CCDC15: variants seen among roughly 807,000 people sequenced by gnomAD.
CCDC15 encodes the protein coiled-coil domain containing 15, also known as coiled-coil domain-containing protein 15.
In CCDC15, 105 loss-of-function variants were observed where a neutral mutation model predicts 114.5. That is an observed-to-expected ratio of 0.92 (90% CI 0.78 to 1.08). The LOEUF (loss-of-function observed/expected upper bound fraction) is 1.08, where lower values mean the gene tolerates loss of function less well. Among genes scored for constraint, CCDC15 ranks in the 50% least tolerant of loss-of-function variants. The pLI, the probability that CCDC15 is intolerant of heterozygous loss-of-function variation, is 0.00. For synonymous variants in CCDC15, 334 were observed against 377.8 expected (o/e 0.88, Z 1.34); for missense variants, 1,105 against 1,093.6 (o/e 1.01, Z -0.15).
chr11:125,039,309 TA>T, intron 15 of CCDC15: 2 of 393,930 alleles, frequency 5.1e-6, no homozygotes, highest in Middle Eastern at 1.3e-3. Flanking sequence ...CATTCTACTG[TA>T]GGAGGTCTTG....
intron 6 of CCDC15, among the ~76,000 whole-genome samples, chr11:124,981,120 G>A (rs950269615): frequency 2.0e-4 from 30 of 152,100 alleles, no homozygotes; most frequent in African/African-American, 7.0e-4. Flanking sequence ...ATTGTGATCC[G>A]AAAGCATGGT....
At chr11:125,024,122 A>G (rs1437645463) in intron 13 of CCDC15, among the ~76,000 whole-genome samples, 2 of 152,034 alleles carry the variant, frequency 1.3e-5, no homozygotes, top group Admixed American at 1.3e-4. Context: ...TTATATATAC[A>G]TACGTACATT....
chr11:124,979,915 A>G (rs539132792), intron 6 of CCDC15, among the ~76,000 whole-genome samples: 15 of 152,186 alleles, frequency 9.9e-5, no homozygotes, highest in Non-Finnish European at 2.1e-4. Flanking sequence ...TTTGTTATAG[A>G]TGGCTATTTT....
Position 125,040,771 on chromosome 11 carries a change from G to A in CCDC15, c.*60G>A. On this transcript the variant is annotated 3_prime_UTR_variant, in exon 16 of 16. Coordinates refer to ENST00000344762, the MANE Select transcript of CCDC15 (RefSeq NM_025004.3). ...TTTACTTAAAATCATCCCTGAGAGA[G>A]TATTTAAGAAAAGCTGTTCAAGTTA... 1 of 1,441,426 alleles carries A rather than the reference G, an allele frequency of 6.9e-7. No individual in the cohort carries two copies. Among genetic ancestry groups the A allele is most frequent in the Non-Finnish European group, 9.6e-7 (1 of 1,045,746 alleles). 89.3% of individuals were successfully genotyped at this position (1,441,426 alleles called of 1,614,324 possible). A position where few individuals can be genotyped will look rare whatever the true frequency, so the allele number is the denominator to read the frequency against.
rs186160140 is a variant in CCDC15 at position 124,983,211 on chromosome 11, C to A, written c.754-3531C>A. Among the ~76,000 whole-genome samples the A allele has an allele frequency of 2.6e-5, 4 of 152,190 alleles. No individual in the cohort carries two copies. The East Asian group carries it at 5.8e-4, about 22-fold the overall frequency. ...ATCGTTTTATTGTAATACTTAGATT[C>A]CTTGGACTGGGTTTTAACTTTCTCC... On this transcript the variant is annotated intron_variant, in intron 6 of 15. Coordinates refer to ENST00000344762, the MANE Select transcript of CCDC15 (RefSeq NM_025004.3).
At chr11:124,977,418 G>A in intron 5 of CCDC15, 60 bp from the exon 6 acceptor site, 2 of 1,419,216 alleles carry the variant, frequency 1.4e-6, no homozygotes, top group Non-Finnish European at 1.9e-6. Context: ...ACTCAACTTA[G>A]TCTCATGAAT....
chr11:125,032,569 A>C (rs1040697563), intron 13 of CCDC15, among the ~76,000 whole-genome samples: 17 of 152,234 alleles, frequency 1.1e-4, no homozygotes, highest in Non-Finnish European at 1.6e-4. Context: ...TCGAGTCCTT[A>C]TGGTGGCACT....
chr11:124,990,212 G>T (rs1948244859), intron 8 of CCDC15, among the ~76,000 whole-genome samples: 1 of 152,166 alleles, frequency 6.6e-6, no homozygotes, highest in South Asian at 2.1e-4. Flanking sequence ...GGAGAGGTAG[G>T]GGGGTGGCCA....
intron 6 of CCDC15, among the ~76,000 whole-genome samples, chr11:124,982,936 C>T (rs1948095868): frequency 6.6e-6 from 1 of 152,180 alleles, no homozygotes; most frequent in Non-Finnish European, 1.5e-5. Flanking sequence ...GCCAATGAGT[C>T]ATAGATTTGG....
At chr11:125,011,639 A>G (rs1017195790) in intron 13 of CCDC15, among the ~76,000 whole-genome samples, 3 of 152,198 alleles carry the variant, frequency 2.0e-5, no homozygotes, top group Non-Finnish European at 2.9e-5. Context: ...GTGCTTTCAC[A>G]TGTATTTTCA....
chr11:125,013,531 G>C (rs879895992), intron 13 of CCDC15, among the ~76,000 whole-genome samples: 2 of 152,212 alleles, frequency 1.3e-5, no homozygotes, highest in Non-Finnish European at 2.9e-5. Context: ...ACTGGGAACA[G>C]AGAGTGACAT....
intron 13 of CCDC15, among the ~76,000 whole-genome samples, chr11:125,015,915 G>A (rs889079702): frequency 9.9e-5 from 15 of 152,044 alleles, no homozygotes; most frequent in Non-Finnish European, 1.9e-4. Flanking sequence ...TCTAGCCCCC[G>A]GGCAGCTTCT....
chr11:124,992,445 T>G (rs1591595953), intron 9 of CCDC15, 135 bp from the exon 10 acceptor site: 4 of 606,504 alleles, frequency 6.6e-6, no homozygotes, highest in Non-Finnish European at 1.2e-5. Context: ...AACATCTCCC[T>G]CATATCAAAA....
At chr11:125,017,427 G>A (rs1211578440) in intron 13 of CCDC15, among the ~76,000 whole-genome samples, 1 of 152,148 alleles carries the variant, frequency 6.6e-6, no homozygotes, top group African/African-American at 2.4e-5. Context: ...TTATAGTGGA[G>A]CTGAAAAATT....
chr11:124,987,086 C>A lies in CCDC15; in HGVS notation c.901-41C>A. 2.8e-6 allele frequency: 4 copies of A among 1,451,868 alleles called. No individual in the cohort carries two copies. The South Asian group carries it at 4.6e-5, about 17-fold the overall frequency. 89.9% of individuals were successfully genotyped at this position (1,451,868 alleles called of 1,614,324 possible). On this transcript the variant is annotated intron_variant, in intron 7 of 15. Transcript: ENST00000344762. ...TTTTGGAAAATCTAGAGTATTGCTA[C>A]TAACTCACATTCTGTATTTGGTGTT...
At chr11:125,036,763 A>G (rs1948777341) in intron 13 of CCDC15, among the ~76,000 whole-genome samples, 1 of 152,024 alleles carries the variant, frequency 6.6e-6, no homozygotes, top group African/African-American at 2.4e-5. Context: ...ACAGACTGTG[A>G]TGCATTCTTT....
intron 2 of CCDC15, among the ~76,000 whole-genome samples, chr11:124,956,966 CAT>C (rs1261826654): frequency 6.6e-6 from 1 of 152,160 alleles, no homozygotes; most frequent in Non-Finnish European, 1.5e-5. Flanking sequence ...CTAAAAATGT[CAT>C]AGCTTTAGAC....
At chr11:125,032,676 C>T (rs904369537) in intron 13 of CCDC15, among the ~76,000 whole-genome samples, 10 of 152,272 alleles carry the variant, frequency 6.6e-5, no homozygotes, top group South Asian at 4.1e-4. Context: ...CCTTTCCCAC[C>T]GTAATAGCCC....
intron 14 of CCDC15, 65 bp from the exon 15 acceptor site, chr11:125,038,856 A>G (rs755360008): frequency 7.2e-6 from 11 of 1,525,680 alleles, no homozygotes; most frequent in Admixed American, 1.8e-5. Context: ...TGGCTGTAAA[A>G]TCAGGATTCA....
Sources: allele counts gnomAD v4.1 joint callset (sites outside exome capture counted in the v4.1 genomes callset), GRCh38; gene constraint gnomAD v4.1.1; transcripts MANE v1.5; gene names NCBI Gene and HGNC (gene_info 2026-07-23, HGNC 2026-07-21).